Variants in BBS4 observed in about 807,000 individuals in gnomAD.
BBS4 encodes the protein Bardet-Biedl syndrome 4.
A neutral mutation model predicts 71.4 loss-of-function variants in BBS4; 58 were observed. The observed-to-expected ratio is 0.81, with a 90% CI of 0.66 to 1.01. The LOEUF (loss-of-function observed/expected upper bound fraction) is 1.01. Ranked by LOEUF, BBS4 falls within the 50% of genes least tolerant of loss-of-function variation. BBS4 has a pLI of 0.00. For missense variants in BBS4, 660 were observed against 607.9 expected (o/e 1.09, Z -0.90); for synonymous variants, 228 against 216.8 (o/e 1.05, Z -0.46).
intron 6 of BBS4, among the ~76,000 whole-genome samples, chr15:72,721,015 T>C (rs1368430023): frequency 6.6e-6 from 1 of 152,212 alleles, no homozygotes; most frequent in Non-Finnish European, 1.5e-5. Flanking sequence ...GCAGGACATT[T>C]AAAGGACAAG....
chr15:72,716,903 A>C, intron 6 of BBS4, 53 bp downstream of exon 6: 1 of 1,249,934 alleles, frequency 8.0e-7, no homozygotes, highest in Non-Finnish European at 1.2e-6. Context: ...TAATGGTTCC[A>C]TTTATCATCT....
rs541105946 is a variant in BBS4, at chr15:72,716,713, G to T, written c.333-65G>T. On this transcript the variant is annotated intron_variant, in intron 5 of 15. Transcript: ENST00000268057. ...CTGGATGAAATATGATTAAAATGTG[G>T]GACTAGTAGGGTTAGTCTTCTAAGA... is the stretch of plus-strand genomic sequence containing the variant. 2.9e-4 allele frequency: 321 copies of T among 1,109,304 alleles called. 3 individuals are homozygous for T. In the African/African-American group the frequency reaches 4.0e-3, roughly 14 times the overall value. 68.7% of individuals were successfully genotyped at this position (1,109,304 alleles called of 1,614,324 possible).
intron 13 of BBS4, 29 bp from the exon 14 acceptor site, chr15:72,735,796 C>T (rs1485844043): frequency 6.2e-7 from 1 of 1,613,988 alleles, no homozygotes; most frequent in Admixed American, 1.7e-5. Flanking sequence ...GCAGAGCCCC[C>T]AGCTCCATAG....
At chr15:72,686,448 A>T (rs1364109635) in intron 1 of BBS4, 197 bp downstream of exon 1, 10 of 1,532,466 alleles carry the variant, frequency 6.5e-6, no homozygotes, top group Non-Finnish European at 8.7e-6. Flanking sequence ...TTAGCAGCAC[A>T]GGTCCTGTTC....
intron 1 of BBS4, among the ~76,000 whole-genome samples, chr15:72,693,640 AATT>A (rs2065025120): frequency 1.3e-5 from 2 of 152,324 alleles, no homozygotes; most frequent in South Asian, 4.1e-4. Flanking sequence ...ATGTGTTAAA[AATT>A]ATTATTTTTT....
At chr15:72,700,138 C>G (rs1289435441) in intron 2 of BBS4, among the ~76,000 whole-genome samples, 2 of 152,132 alleles carry the variant, frequency 1.3e-5, no homozygotes, top group Admixed American at 6.5e-5. Flanking sequence ...CGGGATTTCA[C>G]CATATTAGCC....
intron 15 of BBS4, 124 bp downstream of exon 15, chr15:72,737,087 A>G: frequency 8.1e-7 from 1 of 1,227,362 alleles, no homozygotes; most frequent in Non-Finnish European, 1.2e-6. Context: ...ATTGGCCACA[A>G]GGGGAGAAAA....
intron 1 of BBS4, 68 bp downstream of exon 1, chr15:72,686,319 C>A (rs1402891283): frequency 3.2e-6 from 5 of 1,548,696 alleles, no homozygotes; most frequent in Non-Finnish European, 4.4e-6. Flanking sequence ...GGCTTTTGTC[C>A]CATGCAGCGG....
chr15:72,686,906 C>T, intron 1 of BBS4: 1 of 256,886 alleles, frequency 3.9e-6, no homozygotes, highest in Non-Finnish European at 7.8e-6. Context: ...CCTGTTCTGT[C>T]CATTTGTTAG....
intron 2 of BBS4, among the ~76,000 whole-genome samples, chr15:72,705,084 G>A (rs2065239990): frequency 6.6e-6 from 1 of 152,048 alleles, no homozygotes; most frequent in African/African-American, 2.4e-5. Flanking sequence ...ACCCGGCACT[G>A]TTTCTCTTTC....
chr15:72,706,836 T>C (rs539218937), intron 2 of BBS4, among the ~76,000 whole-genome samples: 3 of 152,270 alleles, frequency 2.0e-5, no homozygotes, highest in South Asian at 2.1e-4. Context: ...TTCTTTTTTA[T>C]TTTTTTAAAA....
At chr15:72,713,425 T>C (rs374211658) in intron 4 of BBS4, among the ~76,000 whole-genome samples, 1 of 152,028 alleles carries the variant, frequency 6.6e-6, no homozygotes, top group Non-Finnish European at 1.5e-5. Context: ...CACCTCCTTA[T>C]GGAAGGTCTT....
intron 2 of BBS4, among the ~76,000 whole-genome samples, chr15:72,696,007 T>G (rs2065069924): frequency 6.6e-6 from 1 of 152,234 alleles, no homozygotes; most frequent in Non-Finnish European, 1.5e-5. Flanking sequence ...TGGTTGATAG[T>G]GTTCTGTATA....
intron 2 of BBS4, among the ~76,000 whole-genome samples, chr15:72,696,480 C>T (rs1305442165): frequency 6.6e-6 from 1 of 152,146 alleles, no homozygotes; most frequent in Non-Finnish European, 1.5e-5. Context: ...ATTACTCCCC[C>T]AAAAGTCACC....
At chr15:72,705,769 T>G (rs929617076) in intron 2 of BBS4, among the ~76,000 whole-genome samples, 1 of 151,794 alleles carries the variant, frequency 6.6e-6, no homozygotes, top group Non-Finnish European at 1.5e-5. Flanking sequence ...TTTTTTTGTA[T>G]TTTTTGTAGA....
intron 10 of BBS4, 87 bp downstream of exon 10, chr15:72,729,771 G>A: frequency 1.7e-6 from 2 of 1,156,152 alleles, no homozygotes; most frequent in East Asian, 4.7e-5. Flanking sequence ...CAAAGGAATA[G>A]CTTCTTAAAT....
chr15:72,734,291 G>A (rs2065880183), intron 12 of BBS4, among the ~76,000 whole-genome samples: 3 of 152,202 alleles, frequency 2.0e-5, no homozygotes, highest in Admixed American at 2.0e-4. Context: ...TAACAGCGAT[G>A]CTAACTTTAC....
chr15:72,735,521 C>T, intron 13 of BBS4: 1 of 528,158 alleles, frequency 1.9e-6, no homozygotes, highest in South Asian at 2.0e-5. Flanking sequence ...TTGACTCTTC[C>T]AGGATTTACT....
intron 6 of BBS4, among the ~76,000 whole-genome samples, chr15:72,721,750 CAG>C (rs2065581412): frequency 6.6e-6 from 1 of 152,170 alleles, no homozygotes. Context: ...TTTCCTCAGA[CAG>C]GGACACATCT....
Sources: gnomAD v4.1 joint callset for allele counts (sites outside exome capture counted in the v4.1 genomes callset) on GRCh38, gnomAD v4.1.1 for gene constraint, MANE v1.5 for transcripts, NCBI Gene and HGNC (gene_info 2026-07-23, HGNC 2026-07-21) for gene names.